Variants in NRXN1 observed in about 807,000 individuals in gnomAD.
NRXN1 encodes the protein neurexin-1.
In NRXN1, 39 loss-of-function variants were observed where a neutral mutation model predicts 150.9. The observed-to-expected ratio is 0.26, with a 90% CI of 0.20 to 0.34. NRXN1 has a LOEUF of 0.34. Ranked by LOEUF, NRXN1 falls within the 10% of genes least tolerant of loss-of-function variation. The pLI, the probability that NRXN1 is intolerant of heterozygous loss-of-function variation, is 1.00. For missense variants in NRXN1, 1,815 were observed against 1,949.9 expected (o/e 0.93, Z 1.30); for synonymous variants, 924 against 757.0 (o/e 1.22, Z -3.62).
intron 17 of NRXN1, among the ~76,000 whole-genome samples, chr2:50,419,068 C>T (rs759877442): frequency 6.6e-6 from 1 of 151,960 alleles, no homozygotes; most frequent in Non-Finnish European, 1.5e-5. Flanking sequence ...CCATGATTTG[C>T]CCCAAAATTG....
intron 17 of NRXN1, among the ~76,000 whole-genome samples, chr2:50,422,933 C>T (rs552970689): frequency 1.7e-4 from 26 of 152,294 alleles, no homozygotes; most frequent in African/African-American, 6.0e-4. Context: ...TGATGTCATA[C>T]TGATTTTCCT....
intron 2 of NRXN1, among the ~76,000 whole-genome samples, chr2:50,956,284 T>C (rs925274730): frequency 1.3e-5 from 2 of 152,158 alleles, no homozygotes; most frequent in African/African-American, 4.8e-5. Flanking sequence ...TTGTTATAAA[T>C]ATGTATGGAT....
chr2:50,428,185 G>T (rs1308184835), intron 17 of NRXN1, among the ~76,000 whole-genome samples: 1 of 152,150 alleles, frequency 6.6e-6, no homozygotes, highest in Non-Finnish European at 1.5e-5. Context: ...AGGCTGAGGA[G>T]AGAGAATCAC....
At chr2:50,226,218 T>C (rs2064359788) in intron 18 of NRXN1, among the ~76,000 whole-genome samples, 1 of 152,016 alleles carries the variant, frequency 6.6e-6, no homozygotes, top group Admixed American at 6.6e-5. Context: ...TTAGATGGAC[T>C]TACATATGTA....
At chr2:50,158,384 T>C (rs1574231486) in intron 18 of NRXN1, among the ~76,000 whole-genome samples, 1 of 151,578 alleles carries the variant, frequency 6.6e-6, no homozygotes, top group Admixed American at 6.6e-5. Flanking sequence ...CTGACATTCA[T>C]AGACAGTACA....
At chr2:50,013,552 A>G (rs977259254) in intron 21 of NRXN1, among the ~76,000 whole-genome samples, 4 of 152,132 alleles carry the variant, frequency 2.6e-5, no homozygotes, top group Non-Finnish European at 4.4e-5. Context: ...AAGACATGCC[A>G]TGGTTTGGTT....
chr2:50,662,793 T>A (rs1004991499), intron 5 of NRXN1, among the ~76,000 whole-genome samples: 1 of 151,932 alleles, frequency 6.6e-6, no homozygotes, highest in Non-Finnish European at 1.5e-5. Context: ...GAGAGTAAGG[T>A]CCAACCTAAT....
At chr2:50,774,273 AC>A (rs1196604719) in intron 5 of NRXN1, among the ~76,000 whole-genome samples, 1 of 152,174 alleles carries the variant, frequency 6.6e-6, no homozygotes, top group Non-Finnish European at 1.5e-5. Flanking sequence ...AACCAAACTT[AC>A]TAAAAAGCCC....
At chr2:50,547,839 G>C (rs1417840915) in intron 9 of NRXN1, among the ~76,000 whole-genome samples, 1 of 152,066 alleles carries the variant, frequency 6.6e-6, no homozygotes, top group Admixed American at 6.5e-5. Context: ...CCTTTAGTGA[G>C]CAGGCAGTGG....
chr2:50,363,698 C>T (rs2079383982), intron 17 of NRXN1, among the ~76,000 whole-genome samples: 1 of 152,174 alleles, frequency 6.6e-6, no homozygotes, highest in Admixed American at 6.5e-5. Flanking sequence ...CCTCATAGAT[C>T]TAGAACTAGG....
In NRXN1 at chr2:50,522,719, C is replaced by CCTTTTTTTTTTTTTTTTTTTTTTTTTTT. The variant is rs1323306682; in HGVS notation, c.2374+5905_2374+5906insAAAAAAAAAAAAAAAAAAAAAAAAAAAG. On this transcript the variant is annotated intron_variant, in intron 12 of 22. Transcript: ENST00000401669. ...TTCCATTTATTCATTTATTTTTATT[C>CCTTTTTTTTTTTTTTTTTTTTTTTTTTT]ATTTTTTTTTTTTTTTTTTTTTTTT... 6.9e-5 allele frequency among the ~76,000 whole-genome samples: 6 copies of CCTTTTTTTTTTTTTTTTTTTTTTTTTTT among 86,558 alleles called. 2 individuals carry two copies. The highest frequency in any genetic ancestry group is 2.4e-4 in the African/African-American group (4 of 16,774). The allele number at this position is 86,558 out of a possible 152,430, so 56.8% of individuals were successfully genotyped here.
chr2:49,993,983 T>G (rs1682486243), intron 21 of NRXN1, among the ~76,000 whole-genome samples: 1 of 152,134 alleles, frequency 6.6e-6, no homozygotes, highest in Non-Finnish European at 1.5e-5. Flanking sequence ...ATTCTCAAAT[T>G]TCCTGCCCTG....
At chr2:50,313,949 G>A (rs920329402) in intron 17 of NRXN1, among the ~76,000 whole-genome samples, 1 of 152,000 alleles carries the variant, frequency 6.6e-6, no homozygotes, top group Admixed American at 6.6e-5. Context: ...CAGTATACAA[G>A]GAATTTGTTA....
At chr2:50,508,231 T>C (rs768916258) in intron 12 of NRXN1, among the ~76,000 whole-genome samples, 4 of 152,194 alleles carry the variant, frequency 2.6e-5, no homozygotes, top group Non-Finnish European at 4.4e-5. Flanking sequence ...ATGAATTGCC[T>C]CAGTTATTTA....
chr2:50,660,409 C>T (rs1378319589), intron 5 of NRXN1, among the ~76,000 whole-genome samples: 1 of 152,010 alleles, frequency 6.6e-6, no homozygotes, highest in African/African-American at 2.4e-5. Flanking sequence ...TACTCTTCCT[C>T]TATCTCCACA....
At chr2:50,190,765 AC>A (rs1409271717) in intron 18 of NRXN1, among the ~76,000 whole-genome samples, 1 of 151,708 alleles carries the variant, frequency 6.6e-6, no homozygotes, top group Non-Finnish European at 1.5e-5. Flanking sequence ...GGCATGCGCC[AC>A]CATGGCCGGC....
intron 17 of NRXN1, among the ~76,000 whole-genome samples, chr2:50,382,507 A>G (rs1410959539): frequency 2.6e-5 from 4 of 152,158 alleles, no homozygotes. Context: ...CTTCAAAAGT[A>G]TAGGGAAACA....
chr2:50,148,011 C>T (rs1262838010), intron 18 of NRXN1, among the ~76,000 whole-genome samples: 2 of 151,650 alleles, frequency 1.3e-5, no homozygotes, highest in Non-Finnish European at 3.0e-5. Flanking sequence ...TAGAGTTCTA[C>T]AGGTTCTCCA....
intron 18 of NRXN1, among the ~76,000 whole-genome samples, chr2:50,212,451 A>T (rs2063101207): frequency 6.6e-6 from 1 of 151,534 alleles, no homozygotes; most frequent in African/African-American, 2.4e-5. Context: ...TTGTAAGAGC[A>T]TCGATTTGAG....
Sources: gnomAD v4.1 joint callset for allele counts (sites outside exome capture counted in the v4.1 genomes callset) on GRCh38, gnomAD v4.1.1 for gene constraint, MANE v1.5 for transcripts, NCBI Gene and HGNC (gene_info 2026-07-23, HGNC 2026-07-21) for gene names.